PTPRD: variants seen among roughly 807,000 people sequenced by gnomAD.
PTPRD encodes the protein protein tyrosine phosphatase receptor type D.
A neutral mutation model predicts 214.5 loss-of-function variants in PTPRD; 34 were observed. That is an observed-to-expected ratio of 0.16 (90% CI 0.12 to 0.21). The LOEUF is 0.21. Ranked by LOEUF, PTPRD falls within the 10% of genes least tolerant of loss-of-function variation. The probability of loss-of-function intolerance (pLI) is 1.00; values close to 1 mark genes in which losing one functional copy is unlikely to be tolerated. For missense variants in PTPRD, 2,545 were observed against 2,398.7 expected (o/e 1.06, Z -1.27); for synonymous variants, 1,128 against 845.7 (o/e 1.33, Z -5.79).
intron 23 of PTPRD, among the ~76,000 whole-genome samples, chr9:8,501,529 C>T (rs866726418): frequency 6.6e-6 from 1 of 152,176 alleles, no homozygotes; most frequent in Non-Finnish European, 1.5e-5. Flanking sequence ...ACATACAGTA[C>T]TCATTTGTGA....
At chr9:8,674,688 T>C (rs2097364304) in intron 12 of PTPRD, among the ~76,000 whole-genome samples, 1 of 152,080 alleles carries the variant, frequency 6.6e-6, no homozygotes, top group Admixed American at 6.5e-5. Context: ...ATCACTTAGC[T>C]TGTTAAAACA....
chr9:9,848,441 A>T lies in PTPRD; in HGVS notation c.-367-81590T>A, dbSNP rs370951836. ...TGTGTATAGAAAAGAACAAATAGGG[A>T]TAATGACATTTATCCATTAATAAGC... On this transcript the variant is annotated intron_variant, in intron 5 of 45. Transcript: ENST00000381196. 3.9e-5 allele frequency among the ~76,000 whole-genome samples: 6 copies of T among 152,280 alleles called. No individual in the cohort carries two copies. The East Asian group carries it at 9.6e-4, about 24-fold the overall frequency.
At chr9:9,566,614 A>T (rs1349298153) in intron 8 of PTPRD, among the ~76,000 whole-genome samples, 1 of 152,010 alleles carries the variant, frequency 6.6e-6, no homozygotes, top group Non-Finnish European at 1.5e-5. Flanking sequence ...AACATAATTT[A>T]AAAAGGCTAA....
intron 11 of PTPRD, among the ~76,000 whole-genome samples, chr9:8,742,460 A>T (rs2092151617): frequency 6.6e-6 from 1 of 152,188 alleles, no homozygotes; most frequent in Admixed American, 6.5e-5. Context: ...TGTCATCTTT[A>T]AAAATCAAAA....
chr9:8,408,389 C>T (rs2093221524), intron 35 of PTPRD, among the ~76,000 whole-genome samples: 1 of 152,108 alleles, frequency 6.6e-6, no homozygotes, highest in African/African-American at 2.4e-5. Context: ...GTCTACTCAA[C>T]TCTGTCCACC....
intron 3 of PTPRD, among the ~76,000 whole-genome samples, chr9:10,338,712 T>C (rs189135931): frequency 6.6e-6 from 1 of 151,754 alleles, no homozygotes; most frequent in Non-Finnish European, 1.5e-5. Context: ...ACTGTTAATA[T>C]GTATTGACTT....
chr9:8,556,411 T>C (rs994365641), intron 14 of PTPRD, among the ~76,000 whole-genome samples: 1 of 152,162 alleles, frequency 6.6e-6, no homozygotes, highest in African/African-American at 2.4e-5. Flanking sequence ...ACAACAAAAA[T>C]CTGTGGCCAA....
chr9:9,220,310 C>CTTTTTTTTTT (rs57322129), intron 9 of PTPRD, among the ~76,000 whole-genome samples: 1 of 117,816 alleles, frequency 8.5e-6, no homozygotes, highest in Non-Finnish European at 1.9e-5. Context: ...CTTGCTTTTG[C>CTTTTTTTTTT]TTTTTTTTTA....
rs985498130 is a variant in PTPRD, at chr9:8,314,523, C to T, written c.*3351G>A. On this transcript the variant is annotated 3_prime_UTR_variant, in exon 46 of 46. Transcript: ENST00000381196. ...AACTGTTATTATCTTTGTAAAGACA[C>T]TCCAAGCTGGGATGGCAAAGCCACA... 1.7e-5 allele frequency: 4 copies of T among 231,976 alleles called. No individual in the cohort carries two copies. The highest frequency in any genetic ancestry group is 8.8e-5 in the African/African-American group (4 of 45,204). 14.4% of individuals were successfully genotyped at this position (231,976 alleles called of 1,614,324 possible). A position where few individuals can be genotyped will look rare whatever the true frequency, so the allele number is the denominator to read the frequency against.
At chr9:8,827,804 A>G (rs1032156152) in intron 11 of PTPRD, among the ~76,000 whole-genome samples, 6 of 152,216 alleles carry the variant, frequency 3.9e-5, no homozygotes, top group African/African-American at 1.4e-4. Context: ...TAAACTAAAT[A>G]TGGATGTAAT....
At chr9:8,507,209 T>A in intron 22 of PTPRD, 92 bp downstream of exon 22, 1 of 1,436,900 alleles carries the variant, frequency 7.0e-7, no homozygotes, top group Non-Finnish European at 9.3e-7. Context: ...CCTCAATAGC[T>A]CTCTGACCAA....
At chr9:10,544,686 G>C (rs1328670566) in intron 2 of PTPRD, among the ~76,000 whole-genome samples, 1 of 152,182 alleles carries the variant, frequency 6.6e-6, no homozygotes, top group East Asian at 1.9e-4. Flanking sequence ...AGTATCAAAT[G>C]TGTAATCTGA....
intron 2 of PTPRD, among the ~76,000 whole-genome samples, chr9:10,589,563 C>T (rs1039253458): frequency 3.9e-5 from 6 of 152,030 alleles, no homozygotes; most frequent in Non-Finnish European, 8.8e-5. Context: ...GAGAGACAGA[C>T]AGAGGCATTC....
At chr9:10,218,945 A>G (rs541489963) in intron 3 of PTPRD, among the ~76,000 whole-genome samples, 2 of 151,972 alleles carry the variant, frequency 1.3e-5, no homozygotes, top group Non-Finnish European at 2.9e-5. Flanking sequence ...AACTATATAC[A>G]GAGAGAAAAT....
chr9:8,847,281 T>C (rs990451982), intron 11 of PTPRD, among the ~76,000 whole-genome samples: 1 of 125,448 alleles, frequency 8.0e-6, no homozygotes, highest in Admixed American at 7.1e-5. Flanking sequence ...TAACTGAATA[T>C]ACATAACAGT....
chr9:8,406,815 A>G (rs1180452282), intron 35 of PTPRD, among the ~76,000 whole-genome samples: 2 of 152,160 alleles, frequency 1.3e-5, no homozygotes, highest in Non-Finnish European at 2.9e-5. Flanking sequence ...GTGATCATGG[A>G]ATTATAACTA....
chr9:8,768,093 G>A (rs1431615097), intron 11 of PTPRD, among the ~76,000 whole-genome samples: 1 of 152,122 alleles, frequency 6.6e-6, no homozygotes, highest in Non-Finnish European at 1.5e-5. Flanking sequence ...GCCTGAATTT[G>A]CGTCTTTAAA....
intron 9 of PTPRD, among the ~76,000 whole-genome samples, chr9:9,373,075 C>T (rs1325113567): frequency 6.6e-6 from 1 of 152,032 alleles, no homozygotes. Flanking sequence ...TGATGCCATG[C>T]TCAATCTGAC....
chr9:9,616,864 AT>A (rs2094901926), intron 7 of PTPRD, among the ~76,000 whole-genome samples: 1 of 152,162 alleles, frequency 6.6e-6, no homozygotes, highest in Non-Finnish European at 1.5e-5. Flanking sequence ...TGATTGCACT[AT>A]GGTCTGAGAG....
Sources: allele counts gnomAD v4.1 joint callset (sites outside exome capture counted in the v4.1 genomes callset), GRCh38; gene constraint gnomAD v4.1.1; transcripts MANE v1.5; gene names NCBI Gene and HGNC (gene_info 2026-07-23, HGNC 2026-07-21).